The following ROCK1 variants were observed in gnomAD, a reference collection of about 807,000 sequenced individuals.
The protein encoded by ROCK1 is rho-associated protein kinase 1.
ROCK1 carries 36 observed loss-of-function variants against 196.8 expected under a neutral mutation model. The ratio of observed to expected loss-of-function variants is 0.18; its 90% CI spans 0.14 to 0.24. ROCK1 has a LOEUF of 0.24. Ranked by LOEUF, ROCK1 falls within the 10% of genes least tolerant of loss-of-function variation. The pLI is 1.00. For missense variants in ROCK1, 920 were observed against 1,562.0 expected (o/e 0.59, Z 6.93); for synonymous variants, 443 against 515.9 (o/e 0.86, Z 1.91).
intron 6 of ROCK1, among the ~76,000 whole-genome samples, chr18:21,043,673 C>A (rs950436195): frequency 2.0e-5 from 3 of 149,658 alleles, no homozygotes; most frequent in Admixed American, 1.3e-4. Context: ...TTTTAAGACT[C>A]ACTCCTAAAA....
In ROCK1 at chr18:20,991,811, A is replaced by AT. The variant is rs1643881467; in HGVS notation, c.1993-486dup. 2.6e-5 allele frequency among the ~76,000 whole-genome samples: 4 copies of AT among 151,586 alleles called. No individual in the cohort carries two copies. The South Asian group carries it at 8.3e-4, about 32-fold the overall frequency. Reference sequence around the variant, plus strand: ...CACCACACCTGGCTAATTTTTAAGCATTTTTTTGTAGAGATGGGGTCTCGC... The same window carrying AT: ...CACCACACCTGGCTAATTTTTAAGCATTTTTTTTGTAGAGATGGGGTCTCGC... On this transcript the variant is annotated intron_variant, in intron 17 of 32. Coordinates refer to ENST00000399799, the MANE Select transcript of ROCK1 (RefSeq NM_005406.3).
At chr18:21,012,662 T>C (rs546331934) in intron 13 of ROCK1, among the ~76,000 whole-genome samples, 2 of 152,232 alleles carry the variant, frequency 1.3e-5, no homozygotes, top group Non-Finnish European at 2.9e-5. Flanking sequence ...TGGTAGTTCA[T>C]GTCTTTTGTC....
At chr18:20,968,990 A>C in intron 24 of ROCK1, 125 bp downstream of exon 24, 1 of 880,340 alleles carries the variant, frequency 1.1e-6, no homozygotes, top group Non-Finnish European at 1.8e-6. Flanking sequence ...CATTAAGATA[A>C]TTCTTAAGGC....
chr18:21,059,546 T>C (rs1210555993), intron 2 of ROCK1, among the ~76,000 whole-genome samples: 1 of 152,234 alleles, frequency 6.6e-6, no homozygotes, highest in Non-Finnish European at 1.5e-5. Context: ...AAACACATGC[T>C]GCATTTATCT....
intron 22 of ROCK1, among the ~76,000 whole-genome samples, chr18:20,972,194 A>G (rs1265269182): frequency 1.3e-5 from 2 of 152,160 alleles, no homozygotes; most frequent in African/African-American, 2.4e-5. Flanking sequence ...TAACACTGGG[A>G]AAATTTGTTG....
intron 27 of ROCK1, among the ~76,000 whole-genome samples, chr18:20,962,597 T>C (rs1216192968): frequency 1.3e-5 from 2 of 152,186 alleles, no homozygotes; most frequent in Non-Finnish European, 2.9e-5. Flanking sequence ...TATGGCTTTA[T>C]CTGTCATTTC....
chr18:21,039,557 C>T lies in ROCK1; in HGVS notation c.966G>A (p.Val322=). The T allele has an allele frequency of 6.2e-7, 1 of 1,610,598 alleles. No individual in the cohort carries two copies. The highest frequency in any genetic ancestry group is 8.5e-7 in the Non-Finnish European group (1 of 1,176,992). Residue 322 remains valine, a synonymous_variant, in exon 9 of 33, where the codon GTG becomes GTA. Coordinates refer to ENST00000399799, the MANE Select transcript of ROCK1 (RefSeq NM_005406.3). ...LICAFLTDRE[V]RLGRNGVEEI... ...CTTCTACACCATTTCGCCCTAACCTCACTTCCCTGAATAATGACAGAAGGA... is the reference window on the plus strand; with the variant it reads ...CTTCTACACCATTTCGCCCTAACCTTACTTCCCTGAATAATGACAGAAGGA...
At chr18:20,973,627 T>C (rs1272108313) in intron 22 of ROCK1, among the ~76,000 whole-genome samples, 2 of 152,060 alleles carry the variant, frequency 1.3e-5, no homozygotes, top group East Asian at 1.9e-4. Context: ...GGACTAGCAT[T>C]AGATAAGAGC....
intron 13 of ROCK1, 41 bp from the exon 14 acceptor site, chr18:21,008,235 T>C (rs1216430932): frequency 7.1e-7 from 1 of 1,406,564 alleles, no homozygotes; most frequent in South Asian, 1.4e-5. Flanking sequence ...TGATTAATAC[T>C]CTGGTCATTC....
intron 1 of ROCK1, among the ~76,000 whole-genome samples, chr18:21,078,364 A>ACACG (rs1236121604): frequency 6.7e-6 from 1 of 148,526 alleles, no homozygotes; most frequent in Non-Finnish European, 1.5e-5. Context: ...ACACACACAC[A>ACACG]CACACACACA....
At chr18:20,969,624 AATAT>A (rs1448741830) in intron 23 of ROCK1, among the ~76,000 whole-genome samples, 10 of 152,312 alleles carry the variant, frequency 6.6e-5, no homozygotes, top group Non-Finnish European at 1.3e-4. Flanking sequence ...TACTTTTAGT[AATAT>A]ATAATCATTA....
Position 21,109,691 on chromosome 18 carries a change from C to G in ROCK1, c.93+1127G>C, listed in dbSNP as rs45482503. 4.5e-4 allele frequency among the ~76,000 whole-genome samples: 69 copies of G among 152,178 alleles called. 1 individual carries two copies. The East Asian group carries it at 0.011, about 25-fold the overall frequency. ...AGCTTTGGGAAGCTTGTTGTAAAAC[C>G]CATACACGTGGAAAAATACAAATAA... On this transcript the variant is annotated intron_variant, in intron 1 of 32. Transcript: ENST00000399799.
chr18:21,032,778 T>TC (rs1263770496), intron 9 of ROCK1, among the ~76,000 whole-genome samples: 7 of 150,858 alleles, frequency 4.6e-5, no homozygotes, highest in African/African-American at 1.7e-4. Context: ...TGCCTTGGCC[T>TC]CCCAAAGTGT....
At chr18:21,023,068 G>C (rs2035927728) in intron 11 of ROCK1, among the ~76,000 whole-genome samples, 1 of 152,092 alleles carries the variant, frequency 6.6e-6, no homozygotes. Context: ...AAGTAGAACA[G>C]TGGTTACCAG....
intron 2 of ROCK1, 70 bp from the exon 3 acceptor site, chr18:21,049,950 T>G (rs2036190713): frequency 1.4e-6 from 1 of 717,746 alleles, no homozygotes; most frequent in Admixed American, 3.5e-5. Flanking sequence ...TATTTTACAT[T>G]CGAGTTCTTA....
At chr18:21,039,598 A>G (rs755787874) in intron 8 of ROCK1, 35 bp from the exon 9 acceptor site, 1 of 1,437,702 alleles carries the variant, frequency 7.0e-7, no homozygotes, top group East Asian at 2.3e-5. Flanking sequence ...GTAATCAATC[A>G]TTTAAGATCT....
In ROCK1 at chr18:20,969,194, G is replaced by T. The variant is rs749687547; in HGVS notation, c.2835C>A (p.Asn945Lys). 1 of 1,600,790 alleles carries T rather than the reference G, an allele frequency of 6.2e-7. No individual in the cohort carries two copies. The highest frequency in any genetic ancestry group is 1.1e-5 in the South Asian group (1 of 90,774). ...DHTVSRLEEANSMLTKDIEIL... is the reference protein window; with the variant it reads ...DHTVSRLEEAKSMLTKDIEIL... ...TTTCAATATCTTTGGTTAGCATGCT[G>T]TTTGCTTCTTCAAGCTAAACAAAGC... Residue 945 changes from asparagine to lysine, a missense_variant, in exon 24 of 33, where the codon AAC (asparagine) becomes AAA (lysine). Asn to Lys is a moderately conservative substitution (Grantham distance 94). Around this residue, in one of 6 missense-constraint regions of ROCK1, gnomAD observed 520 missense variants for 657.1 expected, o/e 0.79. Coordinates refer to ENST00000399799, the MANE Select transcript of ROCK1 (RefSeq NM_005406.3).
At chr18:21,028,664 CATA>C in intron 10 of ROCK1, 109 bp downstream of exon 10, 2 of 855,178 alleles carry the variant, frequency 2.3e-6, no homozygotes, top group South Asian at 2.2e-5. Context: ...TGAAAAATTG[CATA>C]ATAAGGTGTA....
At chr18:21,052,471 T>G (rs73959781) in intron 2 of ROCK1, among the ~76,000 whole-genome samples, 1,586 of 152,278 alleles carry the variant, frequency 0.01, 33 homozygotes, top group African/African-American at 0.036. Context: ...GCCTGAACTT[T>G]GTAGGCTTAT....
Sources: gnomAD v4.1 joint callset for allele counts (sites outside exome capture counted in the v4.1 genomes callset) on GRCh38, gnomAD v4.1.1 for gene constraint, gnomAD v4.1.1 regional missense constraint, MANE v1.5 for transcripts, NCBI Gene and HGNC (gene_info 2026-07-23, HGNC 2026-07-21) for gene names.